KHDRBS2: variants seen among roughly 807,000 people sequenced by gnomAD.
KHDRBS2 encodes the protein KH RNA binding domain containing, signal transduction associated 2.
Under a neutral mutation model 44.3 loss-of-function variants are expected in KHDRBS2, and 26 were observed. The observed-to-expected ratio is 0.59, with a 90% CI of 0.43 to 0.81. The LOEUF is 0.81. KHDRBS2 is among the 40% of genes least tolerant of loss of function. The probability of loss-of-function intolerance (pLI) is 0.00; values close to 1 mark genes in which losing one functional copy is unlikely to be tolerated. For synonymous variants in KHDRBS2, 194 were observed against 151.1 expected (o/e 1.28, Z -2.08); for missense variants, 476 against 433.1 (o/e 1.10, Z -0.88).
chr6:62,213,975 A>G lies in KHDRBS2; in HGVS notation c.92-36663T>C, dbSNP rs1434270774. Among the ~76,000 whole-genome samples the G allele has an allele frequency of 2.6e-5, 4 of 151,992 alleles. No individual in the cohort carries two copies. The East Asian group carries it at 7.7e-4, about 29-fold the overall frequency. ...TCAAATAGATTTTCTAGCAAGAGAA[A>G]TACATGATGATAAAATATTTAGCCA... On this transcript the variant is annotated intron_variant, in intron 1 of 8. Transcript: ENST00000281156.
chr6:62,062,661 C>T (rs1265156289), intron 2 of KHDRBS2, among the ~76,000 whole-genome samples: 2 of 147,928 alleles, frequency 1.4e-5, no homozygotes, highest in Non-Finnish European at 3.0e-5. Flanking sequence ...CACTAAATGC[C>T]CACAAGAGAA....
chr6:61,967,451 A>G (rs1283050148), intron 4 of KHDRBS2, among the ~76,000 whole-genome samples: 1 of 151,956 alleles, frequency 6.6e-6, no homozygotes, highest in African/African-American at 2.4e-5. Flanking sequence ...TGATAGATTG[A>G]TATAGATATA....
chr6:61,603,021 C>T, the KHDRBS2 span, among the ~76,000 whole-genome samples: 10 of 152,108 alleles, frequency 6.6e-5, no homozygotes, highest in Admixed American at 1.3e-4. Flanking sequence ...TCTACTTCCT[C>T]CTTGGCAACA....
At chr6:62,202,045 G>C (rs1312945452) in intron 1 of KHDRBS2, among the ~76,000 whole-genome samples, 1 of 151,966 alleles carries the variant, frequency 6.6e-6, no homozygotes, top group Non-Finnish European at 1.5e-5. Context: ...TTAAAAAGTA[G>C]TTTTCAAGCA....
chr6:62,193,349 A>G (rs1460280338), intron 1 of KHDRBS2, among the ~76,000 whole-genome samples: 1 of 152,058 alleles, frequency 6.6e-6, no homozygotes, highest in East Asian at 1.9e-4. Context: ...GTAGGATAAA[A>G]CAGCCACAAT....
Position 62,213,873 on chromosome 6 carries a change from CAAAAAAAAAAAAAAA to C in KHDRBS2, c.92-36576_92-36562del, listed in dbSNP as rs67482871. 2.7e-4 allele frequency among the ~76,000 whole-genome samples: 11 copies of C among 41,486 alleles called. 1 individual carries two copies. Among genetic ancestry groups the C allele is most frequent in the East Asian group, 1.1e-3 (1 of 938 alleles). The allele number at this position is 41,486 out of a possible 152,430, so 27.2% of individuals were successfully genotyped here. ...TGGGTGACAGAGCGAGACTCCATCT[CAAAAAAAAAAAAAAA>C]AAAAAAAAAAAAAAAGAATGAAGTA... On this transcript the variant is annotated intron_variant, in intron 1 of 8. Coordinates refer to ENST00000281156, the MANE Select transcript of KHDRBS2 (RefSeq NM_152688.4).
At chr6:61,841,507 T>C (rs1224741375) in intron 6 of KHDRBS2, among the ~76,000 whole-genome samples, 1 of 152,170 alleles carries the variant, frequency 6.6e-6, no homozygotes, top group East Asian at 1.9e-4. Context: ...AAGATTAAAG[T>C]TACTCTCTGA....
intron 3 of KHDRBS2, among the ~76,000 whole-genome samples, chr6:62,032,239 G>A (rs1469318320): frequency 1.3e-5 from 2 of 151,994 alleles, no homozygotes; most frequent in East Asian, 3.9e-4. Context: ...TAACATTTGA[G>A]TCAGTGGGGG....
chr6:61,830,459 T>A (rs2127261490), intron 6 of KHDRBS2, among the ~76,000 whole-genome samples: 1 of 152,320 alleles, frequency 6.6e-6, no homozygotes, highest in South Asian at 2.1e-4. Context: ...CATAGAACAT[T>A]TTGGAAACCT....
At chr6:61,621,029 T>C in the KHDRBS2 span, among the ~76,000 whole-genome samples, 43 of 152,174 alleles carry the variant, frequency 2.8e-4, no homozygotes, top group African/African-American at 9.7e-4. Flanking sequence ...CTGCTTCTCA[T>C]AGGACTCAAA....
At chr6:61,655,280 G>T in the KHDRBS2 span, among the ~76,000 whole-genome samples, 1 of 151,228 alleles carries the variant, frequency 6.6e-6, no homozygotes, top group African/African-American at 2.4e-5. Context: ...TCTTGAGAAG[G>T]AGTTTTGCAC....
the KHDRBS2 span, among the ~76,000 whole-genome samples, chr6:61,568,631 C>CA: frequency 0.81 from 122,663 of 152,160 alleles, 49,935 homozygotes; most frequent in African/African-American, 0.91. Flanking sequence ...ACATACATCT[C>CA]ACTGGAGAAT....
At chr6:61,564,899 A>G in the KHDRBS2 span, among the ~76,000 whole-genome samples, 1 of 148,962 alleles carries the variant, frequency 6.7e-6, no homozygotes, top group Admixed American at 6.6e-5. Flanking sequence ...ATTATACTAC[A>G]GAGTTTAGTA....
At chr6:61,964,838 G>A (rs564565065) in intron 4 of KHDRBS2, among the ~76,000 whole-genome samples, 17 of 152,196 alleles carry the variant, frequency 1.1e-4, no homozygotes, top group Admixed American at 2.6e-4. Context: ...TTCCACACAG[G>A]TGTTTAGGCA....
chr6:62,009,791 G>A (rs528790658), intron 3 of KHDRBS2, among the ~76,000 whole-genome samples: 4 of 152,268 alleles, frequency 2.6e-5, no homozygotes, highest in Non-Finnish European at 4.4e-5. Flanking sequence ...GCAAGTGCAC[G>A]GAAGTCAAGG....
At chr6:61,909,821 G>A (rs975574971) in intron 4 of KHDRBS2, among the ~76,000 whole-genome samples, 2 of 152,218 alleles carry the variant, frequency 1.3e-5, no homozygotes, top group African/African-American at 4.8e-5. Flanking sequence ...GTAATGACAG[G>A]TGTAGACAGG....
At chr6:61,902,157 T>C (rs1804173938) in intron 4 of KHDRBS2, among the ~76,000 whole-genome samples, 1 of 152,094 alleles carries the variant, frequency 6.6e-6, no homozygotes. Flanking sequence ...TTTCGCCATG[T>C]TGGCTGGTCT....
At chr6:62,132,947 A>T (rs1344463444) in intron 2 of KHDRBS2, among the ~76,000 whole-genome samples, 2 of 152,226 alleles carry the variant, frequency 1.3e-5, no homozygotes, top group Non-Finnish European at 2.9e-5. Flanking sequence ...GTATGACTCA[A>T]CAGCGTTTTT....
intron 1 of KHDRBS2, among the ~76,000 whole-genome samples, chr6:62,207,399 G>C (rs1008377995): frequency 2.6e-5 from 4 of 152,022 alleles, no homozygotes; most frequent in Admixed American, 2.0e-4. Flanking sequence ...AAGACTCCTG[G>C]ACCTACCAGT....
Sources: gnomAD v4.1 joint callset for allele counts (sites outside exome capture counted in the v4.1 genomes callset) on GRCh38, gnomAD v4.1.1 for gene constraint, MANE v1.5 for transcripts, NCBI Gene and HGNC (gene_info 2026-07-23, HGNC 2026-07-21) for gene names.